Variants in BTBD9 observed in about 807,000 individuals in gnomAD.
BTBD9 encodes the protein BTB/POZ domain-containing protein 9.
Under a neutral mutation model 64.3 loss-of-function variants are expected in BTBD9, and 49 were observed. The ratio of observed to expected loss-of-function variants is 0.76; its 90% CI spans 0.61 to 0.97. The LOEUF is 0.97. BTBD9 is among the 50% of genes least tolerant of loss of function. The pLI is 0.00. For missense variants in BTBD9, 598 were observed against 762.1 expected (o/e 0.78, Z 2.53); for synonymous variants, 260 against 274.7 (o/e 0.95, Z 0.53).
At chr6:38,627,596 T>C (rs1171229381) in intron 1 of BTBD9, among the ~76,000 whole-genome samples, 1 of 152,200 alleles carries the variant, frequency 6.6e-6, no homozygotes, top group Admixed American at 6.5e-5. Context: ...GTGTTGGCAA[T>C]GAACCAATGG....
chr6:38,549,549 G>A (rs573775706), intron 6 of BTBD9, among the ~76,000 whole-genome samples: 39 of 152,020 alleles, frequency 2.6e-4, no homozygotes, highest in African/African-American at 9.2e-4. Flanking sequence ...CAAACGAAAG[G>A]AGAAAAGCAA....
chr6:38,172,693 T>C lies in BTBD9; in HGVS notation c.*2292A>G, dbSNP rs1478400353. 6.6e-6 allele frequency: 1 copy of C among 152,344 alleles called. No individual in the cohort carries two copies. Among genetic ancestry groups the C allele is most frequent in the Non-Finnish European group, 1.5e-5 (1 of 68,158 alleles). The allele number at this position is 152,344 out of a possible 1,614,324, so 9.4% of individuals were successfully genotyped here. ...TGCCACCCCATCGTCCCCATACTTC[T>C]CTTTATCTGATGATAAGGGGCATCT... is the stretch of plus-strand genomic sequence containing the variant. On this transcript the variant is annotated 3_prime_UTR_variant, in exon 11 of 11. Coordinates refer to ENST00000481247, the MANE Select transcript of BTBD9 (RefSeq NM_001099272.2).
chr6:38,550,006 C>G (rs1774726741), intron 6 of BTBD9, among the ~76,000 whole-genome samples: 3 of 152,172 alleles, frequency 2.0e-5, no homozygotes, highest in Admixed American at 2.0e-4. Context: ...GCCTCACAGG[C>G]AGCTCTTTCT....
intron 6 of BTBD9, among the ~76,000 whole-genome samples, chr6:38,434,886 A>G (rs1489172203): frequency 6.6e-6 from 1 of 151,814 alleles, no homozygotes; most frequent in African/African-American, 2.4e-5. Flanking sequence ...GCAGATGTTC[A>G]AGTCCCTTAT....
intron 9 of BTBD9, among the ~76,000 whole-genome samples, chr6:38,228,782 G>A (rs1763499631): frequency 6.6e-6 from 1 of 152,094 alleles, no homozygotes; most frequent in African/African-American, 2.4e-5. Context: ...GCTGAGGCAG[G>A]AGAATCGCTT....
At chr6:38,594,395 A>G (rs1776950925) in intron 2 of BTBD9, 68 bp from the exon 3 acceptor site, 1 of 1,480,500 alleles carries the variant, frequency 6.8e-7, no homozygotes. Flanking sequence ...ATTGGAAATA[A>G]CAGTTATCAA....
intron 9 of BTBD9, among the ~76,000 whole-genome samples, chr6:38,199,986 C>T (rs945331758): frequency 2.0e-5 from 3 of 152,216 alleles, no homozygotes; most frequent in Non-Finnish European, 4.4e-5. Flanking sequence ...TAGGACCTGC[C>T]TCTACAGACT....
At chr6:38,257,722 A>C (rs1764642294) in intron 8 of BTBD9, among the ~76,000 whole-genome samples, 1 of 152,176 alleles carries the variant, frequency 6.6e-6, no homozygotes, top group African/African-American at 2.4e-5. Context: ...ATAAGAACTT[A>C]AGCATTAACT....
At chr6:38,233,868 A>G (rs563733509) in intron 9 of BTBD9, among the ~76,000 whole-genome samples, 20 of 152,394 alleles carry the variant, frequency 1.3e-4, no homozygotes, top group Non-Finnish European at 2.8e-4. Context: ...AAATCACTGA[A>G]GGGCAAATTT....
intron 4 of BTBD9, chr6:38,587,781 G>A (rs1424869140): frequency 1.6e-5 from 11 of 707,802 alleles, no homozygotes; most frequent in East Asian, 1.1e-4. Flanking sequence ...CTGCTTCTTC[G>A]GATTCTTCTG....
chr6:38,587,470 C>A (rs1776584628), intron 4 of BTBD9: 3 of 546,282 alleles, frequency 5.5e-6, no homozygotes, highest in Admixed American at 4.5e-5. Context: ...CAGGGGAAAA[C>A]TTCTGCGTAA....
chr6:38,425,473 G>A (rs868631270), intron 6 of BTBD9, among the ~76,000 whole-genome samples: 1 of 151,636 alleles, frequency 6.6e-6, no homozygotes, highest in Non-Finnish European at 1.5e-5. Context: ...ATTTCTACCA[G>A]TTTCAACATC....
chr6:38,395,265 T>C (rs554915844), intron 6 of BTBD9, among the ~76,000 whole-genome samples: 1 of 152,016 alleles, frequency 6.6e-6, no homozygotes, highest in South Asian at 2.1e-4. Flanking sequence ...ACCCTGCCTC[T>C]ACAAAAAAAA....
chr6:38,542,823 T>C (rs1373987135), intron 6 of BTBD9, among the ~76,000 whole-genome samples: 1 of 152,206 alleles, frequency 6.6e-6, no homozygotes, highest in South Asian at 2.1e-4. Flanking sequence ...AGAAAGTTGC[T>C]ATTATCAATG....
intron 1 of BTBD9, among the ~76,000 whole-genome samples, chr6:38,631,758 T>G (rs1392815586): frequency 6.6e-6 from 1 of 152,176 alleles, no homozygotes; most frequent in African/African-American, 2.4e-5. Context: ...TGATTGCAAC[T>G]CATCAGTGAC....
At chr6:38,619,463 A>T (rs2127521697) in intron 1 of BTBD9, among the ~76,000 whole-genome samples, 1 of 152,300 alleles carries the variant, frequency 6.6e-6, no homozygotes, top group Admixed American at 6.5e-5. Context: ...AGGACAGTTT[A>T]AAAAAGATTG....
intron 6 of BTBD9, chr6:38,565,977 G>A (rs369990591): frequency 2.0e-5 from 3 of 152,206 alleles, no homozygotes; most frequent in Non-Finnish European, 2.9e-5. Flanking sequence ...GAGTTATCTC[G>A]ATTGTTCACA....
intron 9 of BTBD9, among the ~76,000 whole-genome samples, chr6:38,236,512 C>A (rs1422686400): frequency 6.6e-6 from 1 of 152,160 alleles, no homozygotes; most frequent in Non-Finnish European, 1.5e-5. Context: ...TGGATTACGA[C>A]AGTTAGCCAA....
At chr6:38,416,378 C>T (rs530074038) in intron 6 of BTBD9, among the ~76,000 whole-genome samples, 70 of 151,072 alleles carry the variant, frequency 4.6e-4, no homozygotes, top group African/African-American at 6.3e-4. Context: ...TCTGTCACCC[C>T]GGCTGGAGTG....
Sources: allele counts gnomAD v4.1 joint callset (sites outside exome capture counted in the v4.1 genomes callset), GRCh38; gene constraint gnomAD v4.1.1; transcripts MANE v1.5; gene names NCBI Gene and HGNC (gene_info 2026-07-23, HGNC 2026-07-21).